Variants in AVL9 observed in about 807,000 individuals in gnomAD.
AVL9 encodes AVL9 cell migration associated, also known as late secretory pathway protein AVL9 homolog.
AVL9 carries 49 observed loss-of-function variants against 79.2 expected under a neutral mutation model. That is an observed-to-expected ratio of 0.62 (90% CI 0.49 to 0.79). The LOEUF is 0.79. Among genes scored for constraint, AVL9 ranks in the 30% least tolerant of loss-of-function variants. The probability of loss-of-function intolerance (pLI) is 0.00; values close to 1 mark genes in which losing one functional copy is unlikely to be tolerated. For missense variants in AVL9, 682 were observed against 776.8 expected (o/e 0.88, Z 1.45); for synonymous variants, 299 against 280.6 (o/e 1.07, Z -0.65).
intron 1 of AVL9, among the ~76,000 whole-genome samples, chr7:32,520,889 A>G (rs1334895998): frequency 6.6e-6 from 1 of 152,028 alleles, no homozygotes; most frequent in Non-Finnish European, 1.5e-5. Context: ...TGTGGGAGGG[A>G]CCCAGGAGGA....
At chr7:32,548,419 A>G (rs967978089) in intron 3 of AVL9, among the ~76,000 whole-genome samples, 3 of 152,062 alleles carry the variant, frequency 2.0e-5, no homozygotes, top group African/African-American at 7.2e-5. Flanking sequence ...AAATGCTGAG[A>G]TTACAGGCTT....
At chr7:32,502,257 T>A (rs1287103058) in intron 1 of AVL9, among the ~76,000 whole-genome samples, 1 of 151,684 alleles carries the variant, frequency 6.6e-6, no homozygotes, top group South Asian at 2.1e-4. Context: ...CCCAGCTACT[T>A]GGGAGGCTGG....
intron 1 of AVL9, among the ~76,000 whole-genome samples, chr7:32,530,566 G>T (rs6970772): frequency 0.023 from 3,552 of 152,264 alleles, 150 homozygotes; most frequent in African/African-American, 0.079. Flanking sequence ...CATATGTAAA[G>T]ATTTTTCCTT....
rs1489248390 is a variant in AVL9, at chr7:32,585,033, G to C, written c.*1126G>C. On this transcript the variant is annotated 3_prime_UTR_variant, in exon 16 of 16. Coordinates refer to ENST00000318709, the MANE Select transcript of AVL9 (RefSeq NM_015060.3). The stretch of plus-strand genomic sequence containing the variant: ...GATCTGCCCGCCTCAGCCTCTCAAA[G>C]TGCTGGGACTACAGGCATGAGCCAC... 2.0e-5 allele frequency: 3 copies of C among 152,266 alleles called. No homozygotes were observed. Among genetic ancestry groups the C allele is most frequent in the Non-Finnish European group, 4.4e-5 (3 of 68,106 alleles). 9.4% of individuals were successfully genotyped at this position (152,266 alleles called of 1,614,324 possible). A position where few individuals can be genotyped will look rare whatever the true frequency, so the allele number is the denominator to read the frequency against.
chr7:32,499,865 T>C (rs1787038023), intron 1 of AVL9, among the ~76,000 whole-genome samples: 1 of 152,210 alleles, frequency 6.6e-6, no homozygotes, highest in African/African-American at 2.4e-5. Context: ...TGTGTTCCTG[T>C]GTTAGTTTGC....
intron 1 of AVL9, among the ~76,000 whole-genome samples, chr7:32,531,009 C>T (rs1442543979): frequency 6.6e-6 from 1 of 152,006 alleles, no homozygotes; most frequent in Non-Finnish European, 1.5e-5. Context: ...CAGTCCAGGA[C>T]ACATTTCCAG....
chr7:32,518,336 T>A (rs1244657315), intron 1 of AVL9, among the ~76,000 whole-genome samples: 5 of 152,194 alleles, frequency 3.3e-5, no homozygotes, highest in African/African-American at 4.8e-5. Context: ...GGTAAACGAT[T>A]AAAATAAAAT....
chr7:32,576,241 A>G (rs1314133028), intron 13 of AVL9, among the ~76,000 whole-genome samples, 169 bp downstream of exon 13: 1 of 152,224 alleles, frequency 6.6e-6, no homozygotes, highest in Non-Finnish European at 1.5e-5. Flanking sequence ...AACTGCTTCC[A>G]TATTCAGATT....
At chr7:32,526,317 C>A (rs980961180) in intron 1 of AVL9, among the ~76,000 whole-genome samples, 2 of 152,164 alleles carry the variant, frequency 1.3e-5, no homozygotes, top group African/African-American at 4.8e-5. Context: ...CCTTCAGAGA[C>A]CAATCTAAGG....
rs1277050178 is a variant in AVL9, at chr7:32,551,330, TAAGCC to T, written c.373-3_374del. 2 of 1,580,832 alleles carry T rather than the reference TAAGCC, an allele frequency of 1.3e-6. No homozygotes were observed. The highest frequency in any genetic ancestry group is 1.7e-5 in the Admixed American group (1 of 58,310). Reference sequence around the variant, plus strand: ...CAATGGTAATTTCTCTTTTTTCCTTTAAGCCTCTGTATGGTTTACTTCAAGCAAAA... The same window carrying T: ...CAATGGTAATTTCTCTTTTTTCCTTTTCTGTATGGTTTACTTCAAGCAAAA... On this transcript the variant is annotated splice_acceptor_variant and splice_polypyrimidine_tract_variant and coding_sequence_variant and intron_variant, in exon 5 of 16. Transcript: ENST00000318709. LOFTEE classifies it high-confidence loss of function.
chr7:32,583,534 C>G (rs776509426), intron 15 of AVL9, among the ~76,000 whole-genome samples: 45 of 151,904 alleles, frequency 3.0e-4, no homozygotes, highest in Admixed American at 7.2e-4. Context: ...AAAAAATTAC[C>G]CAGGTGTGGT....
chr7:32,581,147 G>A, intron 15 of AVL9: 2 of 444,116 alleles, frequency 4.5e-6, no homozygotes, highest in East Asian at 8.7e-5. Flanking sequence ...AGCTGCACCA[G>A]AGTTTTCTTC....
rs200625282 is a variant in AVL9 at position 32,580,727 on chromosome 7, A to G, written c.1743-75A>G. ...CAGAGTGACTATTGTGTGTGTGTCT[A>G]TATGTGTCTGTGTGCGTGTGTGAGA... On this transcript the variant is annotated intron_variant, in intron 14 of 15. Coordinates refer to ENST00000318709, the MANE Select transcript of AVL9 (RefSeq NM_015060.3). 2.5e-5 allele frequency: 22 copies of G among 883,782 alleles called. No homozygotes were observed. The East Asian group carries it at 5.5e-4, about 22-fold the overall frequency. The allele number at this position is 883,782 out of a possible 1,614,324, so 54.7% of individuals were successfully genotyped here.
rs1554347910 is a variant in AVL9, at chr7:32,579,389, T to TAA, written c.1689-830_1689-829insAA. On this transcript the variant is annotated intron_variant, in intron 13 of 15. Coordinates refer to ENST00000318709, the MANE Select transcript of AVL9 (RefSeq NM_015060.3). ...TATATAATATATGTTATATAACATA[T>TAA]TATATGTTATATATTATATATAATA... Among the ~76,000 whole-genome samples the TAA allele has an allele frequency of 1.7e-3, 11 of 6,396 alleles. 2 individuals are homozygous for TAA. The highest frequency in any genetic ancestry group is 8.2e-3 in the African/African-American group (10 of 1,218). The allele number at this position is 6,396 out of a possible 152,430, so 4.2% of individuals were successfully genotyped here. A position where few individuals can be genotyped will look rare whatever the true frequency, so the allele number is the denominator to read the frequency against.
At chr7:32,563,788 G>A (rs1398275685) in intron 10 of AVL9, among the ~76,000 whole-genome samples, 3 of 152,028 alleles carry the variant, frequency 2.0e-5, no homozygotes, top group Non-Finnish European at 4.4e-5. Flanking sequence ...AAATGTACTT[G>A]CCCAGAGTCA....
At chr7:32,554,661 A>G in intron 8 of AVL9, 65 bp downstream of exon 8, 1 of 1,153,012 alleles carries the variant, frequency 8.7e-7, no homozygotes, top group Non-Finnish European at 1.2e-6. Flanking sequence ...TTTTTACATT[A>G]TTTCATAAAA....
chr7:32,551,674 G>C (rs1789833944), intron 5 of AVL9, among the ~76,000 whole-genome samples: 1 of 121,340 alleles, frequency 8.2e-6, no homozygotes, highest in Non-Finnish European at 1.6e-5. Context: ...GTTTCTCTTA[G>C]TGGATAATAG....
At chr7:32,510,601 G>A (rs1787626348) in intron 1 of AVL9, among the ~76,000 whole-genome samples, 1 of 117,166 alleles carries the variant, frequency 8.5e-6, no homozygotes, top group African/African-American at 3.2e-5. Context: ...GGTTGTAGGA[G>A]TCCACAGTCC....
intron 4 of AVL9, among the ~76,000 whole-genome samples, chr7:32,549,888 C>T (rs1326148035): frequency 1.4e-5 from 2 of 141,580 alleles, no homozygotes; most frequent in South Asian, 2.2e-4. Flanking sequence ...CACTGCACTC[C>T]AGCCTGGGCG....
Sources: gnomAD v4.1 joint callset for allele counts (sites outside exome capture counted in the v4.1 genomes callset) on GRCh38, gnomAD v4.1.1 for gene constraint, MANE v1.5 for transcripts, NCBI Gene and HGNC (gene_info 2026-07-23, HGNC 2026-07-21) for gene names.